Variants in DNAJC8 observed in about 807,000 individuals in gnomAD.
DNAJC8 encodes dnaJ homolog subfamily C member 8.
DNAJC8 carries 24 observed loss-of-function variants against 43.2 expected under a neutral mutation model. The observed-to-expected ratio is 0.56, with a 90% confidence interval of 0.40 to 0.78. DNAJC8 has a LOEUF of 0.78. Ranked by LOEUF, DNAJC8 falls within the 30% of genes least tolerant of loss-of-function variation. DNAJC8 has a pLI of 0.00. For missense variants in DNAJC8, 207 were observed against 299.4 expected (o/e 0.69, Z 2.28); for synonymous variants, 83 against 98.0 (o/e 0.85, Z 0.90).
intron 8 of DNAJC8, among the ~76,000 whole-genome samples, chr1:28,202,601 T>C (rs1646744317): frequency 7.6e-6 from 1 of 132,238 alleles, no homozygotes; most frequent in South Asian, 2.4e-4. Flanking sequence ...TTTTTTTTTT[T>C]TTTTGAGACG....
At chr1:28,212,528 C>T (rs1162612736) in intron 3 of DNAJC8, among the ~76,000 whole-genome samples, 1 of 151,420 alleles carries the variant, frequency 6.6e-6, no homozygotes, top group Non-Finnish European at 1.5e-5. Flanking sequence ...GCAATCTGCC[C>T]GACTCAATGT....
At position 28,201,317 on chromosome 1, in the gene DNAJC8, C is replaced by T; in HGVS notation, c.693G>A (p.Lys231=). 1 of 1,613,568 alleles carries T rather than the reference C, an allele frequency of 6.2e-7. No individual in the cohort carries two copies. The highest frequency in any genetic ancestry group is 8.5e-7 in the Non-Finnish European group (1 of 1,180,010). ...TCCGATTTTTCTTCTCTTTCTTCCC[C>T]TTCGTATTGGCTTGGAAGTTTCGCC... ...DSWRNFQANT[K]GKKEKKNRTF... Residue 231 remains lysine (K), a synonymous_variant, in exon 9 of 9, where the codon AAG becomes AAA. Coordinates refer to ENST00000263697, the MANE Select transcript of DNAJC8 (RefSeq NM_014280.3).
intron 2 of DNAJC8, among the ~76,000 whole-genome samples, chr1:28,217,145 T>A (rs1272300437): frequency 1.3e-5 from 2 of 151,888 alleles, no homozygotes; most frequent in Non-Finnish European, 2.9e-5. Context: ...TTTTTTTTTT[T>A]TTTTGAGACA....
At chr1:28,207,981 C>A (rs561069355) in intron 6 of DNAJC8, among the ~76,000 whole-genome samples, 1 of 151,932 alleles carries the variant, frequency 6.6e-6, no homozygotes, top group African/African-American at 2.4e-5. Context: ...CCAAGGCAGG[C>A]GGATCATCTG....
At chr1:28,203,854 T>G (rs769037850) in intron 7 of DNAJC8, 32 bp from the exon 8 acceptor site, 2 of 1,605,738 alleles carry the variant, frequency 1.2e-6, no homozygotes, top group Non-Finnish European at 1.7e-6. Context: ...AGTATTTATA[T>G]GATACTTACA....
chr1:28,210,894 G>A (rs1339993291), intron 3 of DNAJC8, among the ~76,000 whole-genome samples: 1 of 152,162 alleles, frequency 6.6e-6, no homozygotes, highest in Non-Finnish European at 1.5e-5. Context: ...AACATGCCAG[G>A]CACAGAGGCT....
chr1:28,228,166 T>C (rs1054334658), intron 2 of DNAJC8, among the ~76,000 whole-genome samples: 2 of 151,956 alleles, frequency 1.3e-5, no homozygotes, highest in East Asian at 1.9e-4. Flanking sequence ...CTGGCCAACA[T>C]GGTGAAACCC....
intron 1 of DNAJC8, among the ~76,000 whole-genome samples, chr1:28,232,650 G>C (rs747312265): frequency 1.0e-4 from 15 of 147,956 alleles, no homozygotes; most frequent in Non-Finnish European, 1.5e-4. Context: ...CCGCGGACTT[G>C]GGGCACTCTG....
At chr1:28,212,376 G>A (rs1191901896) in intron 3 of DNAJC8, among the ~76,000 whole-genome samples, 1 of 145,404 alleles carries the variant, frequency 6.9e-6, no homozygotes, top group Non-Finnish European at 1.5e-5. Context: ...CTGGACTCAA[G>A]TGATCCTCCC....
At chr1:28,224,726 T>C (rs1293834092) in intron 2 of DNAJC8, among the ~76,000 whole-genome samples, 2 of 151,968 alleles carry the variant, frequency 1.3e-5, no homozygotes, top group South Asian at 2.1e-4. Flanking sequence ...CTACTAAAAA[T>C]ACAAAAAATT....
At position 28,211,089 on chromosome 1, in the gene DNAJC8, A is replaced by G. The variant is rs566213806; in HGVS notation, c.238-452T>C. 2.6e-5 allele frequency among the ~76,000 whole-genome samples: 4 copies of G among 152,256 alleles called. No individual in the cohort carries two copies. The East Asian group carries it at 7.7e-4, about 29-fold the overall frequency. ...TTTAGGAAGCTAACGTGGGAGAATC[A>G]CTTGAGCCTGGGAGGTTGAGATTGT... is the stretch of plus-strand genomic sequence containing the variant. On this transcript the variant is annotated intron_variant, in intron 3 of 8. Coordinates refer to ENST00000263697, the MANE Select transcript of DNAJC8 (RefSeq NM_014280.3).
chr1:28,217,007 C>T (rs1256587290), intron 2 of DNAJC8, among the ~76,000 whole-genome samples: 2 of 151,978 alleles, frequency 1.3e-5, no homozygotes, highest in African/African-American at 4.8e-5. Context: ...GGGGTTCCTC[C>T]ATGTTAGTCA....
rs775911040 is a variant in DNAJC8 at position 28,201,314 on chromosome 1, C to A, written c.696G>T (p.Gly232=). ...SWRNFQANTK[G]KKEKKNRTFL... is the part of the protein sequence containing the mutation. ...AGGTCCGATTTTTCTTCTCTTTCTT[C>A]CCCTTCGTATTGGCTTGGAAGTTTC... is the stretch of plus-strand genomic sequence containing the variant. Residue 232 remains glycine, a synonymous_variant, in exon 9 of 9, where the codon GGG becomes GGT. Transcript: ENST00000263697. 6.2e-7 allele frequency: 1 copy of A among 1,613,482 alleles called. No homozygotes were observed. Among genetic ancestry groups the A allele is most frequent in the Non-Finnish European group, 8.5e-7 (1 of 1,180,028 alleles).
Position 28,212,168 on chromosome 1 carries a change from A to AATAAAAATATATATAT in DNAJC8, c.238-1532_238-1531insATATATATATTTTTAT, listed in dbSNP as rs35950985. ...CGGACTCCGTCTCAATAAATAAATA[A>AATAAAAATATATATAT]ATATATATATATATATATATATATA... On this transcript the variant is annotated intron_variant, in intron 3 of 8. Coordinates refer to ENST00000263697, the MANE Select transcript of DNAJC8 (RefSeq NM_014280.3). Among the ~76,000 whole-genome samples, 27 of 31,022 alleles carry AATAAAAATATATATAT rather than the reference A, an allele frequency of 8.7e-4. 1 individual carries two copies. Among genetic ancestry groups the AATAAAAATATATATAT allele is most frequent in the South Asian group, 4.3e-3 (3 of 698 alleles). 20.4% of individuals were successfully genotyped at this position (31,022 alleles called of 152,430 possible). A position where few individuals can be genotyped will look rare whatever the true frequency, so the allele number is the denominator to read the frequency against.
intron 6 of DNAJC8, among the ~76,000 whole-genome samples, chr1:28,206,055 G>T (rs1188456457): frequency 2.0e-5 from 3 of 152,064 alleles, no homozygotes; most frequent in African/African-American, 7.2e-5. Context: ...AACCAGGTGT[G>T]GTGGCGCACA....
chr1:28,210,488 G>T, intron 4 of DNAJC8, 83 bp downstream of exon 4: 1 of 1,252,418 alleles, frequency 8.0e-7, no homozygotes, highest in Non-Finnish European at 1.2e-6. Flanking sequence ...AACTATAACA[G>T]TCTTTGCTTG....
rs1052088570 is a variant in DNAJC8, at chr1:28,218,291, C to T, written c.181-3295G>A. 7.2e-5 allele frequency among the ~76,000 whole-genome samples: 11 copies of T among 151,816 alleles called. No homozygotes were observed. In the East Asian group the frequency reaches 1.8e-3, roughly 24 times the overall value. ...TGTATTTTTAGTAGAGACGGGGTTT[C>T]TCCATGTTGGTCAGGCTGGTCTCGA... On this transcript the variant is annotated intron_variant, in intron 2 of 8. Transcript: ENST00000263697.
At chr1:28,213,180 T>G (rs1646827058) in intron 3 of DNAJC8, among the ~76,000 whole-genome samples, 1 of 152,192 alleles carries the variant, frequency 6.6e-6, no homozygotes, top group South Asian at 2.1e-4. Context: ...TTTAAACTAG[T>G]TGTATAGCTC....
chr1:28,206,239 G>T (rs1646767631), intron 6 of DNAJC8, among the ~76,000 whole-genome samples: 1 of 152,016 alleles, frequency 6.6e-6, no homozygotes. Flanking sequence ...GATAGGAACA[G>T]AAGCTATTAT....
Sources: allele counts gnomAD v4.1 joint callset (sites outside exome capture counted in the v4.1 genomes callset), GRCh38; gene constraint gnomAD v4.1.1; transcripts MANE v1.5; gene names NCBI Gene and HGNC (gene_info 2026-07-23, HGNC 2026-07-21).